Variants in DDX27 observed in about 807,000 individuals in gnomAD.
DDX27 encodes probable ATP-dependent RNA helicase DDX27.
In DDX27, 42 loss-of-function variants were observed where a neutral mutation model predicts 99.3. That is an observed-to-expected ratio of 0.42 (90% CI 0.33 to 0.55). DDX27 has a LOEUF of 0.55. Among genes scored for constraint, DDX27 ranks in the 20% least tolerant of loss-of-function variants. DDX27 has a pLI of 0.07. For synonymous variants in DDX27, 329 were observed against 353.8 expected, an observed-to-expected ratio of 0.93 and a Z score of 0.79; for missense variants, 798 against 976.8, an observed-to-expected ratio of 0.82 and a Z score of 2.44.
In DDX27 at chr20:49,224,970, G is replaced by C. The variant is rs368410954; in HGVS notation, c.492G>C (p.Lys164Asn). The C allele has an allele frequency of 6.2e-7, 1 of 1,613,770 alleles. No individual in the cohort carries two copies. The highest frequency in any genetic ancestry group is 1.3e-5 in the African/African-American group (1 of 75,050). ...ATACACTCAAAGTAAAGGATCGGAA[G>C]AAGAAGAAGAAGAAAGGACAGGTGA... ...KADTLKVKDR[K>N]KKKKKGQEAG... The change falls in exon 5 of 21, where the codon AAG becomes AAC. Residue 164 changes from lysine to asparagine, a missense_variant. By Grantham distance (94) the Lys-to-Asn change is moderately conservative. Coordinates refer to ENST00000618172, the MANE Select transcript of DDX27 (RefSeq NM_017895.8).
intron 4 of DDX27, 111 bp downstream of exon 4, chr20:49,223,544 C>A: frequency 1.4e-5 from 14 of 976,710 alleles, no homozygotes; most frequent in South Asian, 2.0e-5. Flanking sequence ...TTAAGCTGTT[C>A]TGCCTACTAC....
chr20:49,233,242 C>T (rs1042654433), intron 9 of DDX27, 64 bp from the exon 10 acceptor site: 129 of 1,210,588 alleles, frequency 1.1e-4, no homozygotes, highest in Middle Eastern at 3.7e-4. Context: ...TATGCAATCC[C>T]GTGTCCCTCA....
chr20:49,222,676 G>T (rs1458496153), intron 2 of DDX27, among the ~76,000 whole-genome samples: 1 of 151,940 alleles, frequency 6.6e-6, no homozygotes, highest in East Asian at 1.9e-4. Context: ...CACCACACCC[G>T]GCTAATTTTG....
rs1600966387 is a variant in DDX27 at position 49,226,474 on chromosome 20, G to A, written c.645G>A (p.Lys215=). Residue 215 remains lysine, a synonymous_variant, in exon 7 of 21, where the codon AAG becomes AAA. Transcript: ENST00000618172. ...TCAAGCAGCCCACCCCGATCCAGAA[G>A]GCGTGCATACCTGTGGGTCTATTGG... ...MGFKQPTPIQ[K]ACIPVGLLGK... The A allele has an allele frequency of 7.4e-6, 12 of 1,614,086 alleles. No homozygotes were observed. Among genetic ancestry groups the A allele is most frequent in the Non-Finnish European group, 1.0e-5 (12 of 1,180,006 alleles).
At chr20:49,220,907 A>G (rs938890563) in intron 1 of DDX27, among the ~76,000 whole-genome samples, 2 of 151,986 alleles carry the variant, frequency 1.3e-5, no homozygotes, top group African/African-American at 4.8e-5. Context: ...TGTCCTTTCC[A>G]CCTTGACTTT....
At chr20:49,242,286 G>A (rs1600978343) in intron 18 of DDX27, 80 bp downstream of exon 18, 1 of 1,571,866 alleles carries the variant, frequency 6.4e-7, no homozygotes, top group Non-Finnish European at 8.6e-7. Flanking sequence ...GAAAATCTGA[G>A]GGATGATGAC....
chr20:49,228,638 T>C, intron 7 of DDX27, 77 bp from the exon 8 acceptor site: 1 of 1,348,834 alleles, frequency 7.4e-7, no homozygotes, highest in Non-Finnish European at 1.0e-6. Context: ...ACGTAGTTTT[T>C]CTGTGCTCTG....
rs1309484819 is a variant in DDX27, at chr20:49,236,181, G to A, written c.1459G>A (p.Val487Met). 2.5e-5 allele frequency: 41 copies of A among 1,612,230 alleles called. No homozygotes were observed. The highest frequency in any genetic ancestry group is 3.1e-5 in the Non-Finnish European group (37 of 1,179,228). Residue 487 changes from valine to methionine, a missense_variant, in exon 13 of 21, where the codon GTG (valine) becomes ATG (methionine). Val to Met is a conservative substitution (Grantham distance 21). Transcript: ENST00000618172. The surrounding 1 kb of genome is among the most constrained non-coding windows in gnomAD (Gnocchi z 4.1). ...TAAGGATGAACAGATTGACATCCTC[G>A]TGGCCACTGATGTGGCAGCCCGTGG... The part of the protein sequence containing the change: ...RFKDEQIDIL[V>M]ATDVAARGLD...
At chr20:49,220,706 G>A (rs536868029) in intron 1 of DDX27, among the ~76,000 whole-genome samples, 17 of 152,228 alleles carry the variant, frequency 1.1e-4, no homozygotes, top group Non-Finnish European at 2.5e-4. Context: ...GCCAGTCCCC[G>A]AGGAGCCAGG....
intron 2 of DDX27, 61 bp downstream of exon 2, chr20:49,221,659 T>G (rs1979693286): frequency 6.7e-7 from 1 of 1,489,740 alleles, no homozygotes; most frequent in East Asian, 2.3e-5. Flanking sequence ...ACTGTGAGTT[T>G]CAGGGCCTAG....
At position 49,242,182 on chromosome 20, in the gene DDX27, G is replaced by T; in HGVS notation, c.2092G>T (p.Glu698Ter). The change falls in exon 18 of 21, where the codon GAG becomes TAG. Residue 698 changes from glutamate to a stop codon, truncating the protein, a stop_gained. Coordinates refer to ENST00000618172, the MANE Select transcript of DDX27 (RefSeq NM_017895.8). LOFTEE classifies it high-confidence loss of function. ...AGCCAAGCGGGCCCGAGCAATGCCC[G>T]AGGAGGAGCCAGTGAGAGGTCCTGG... Reference protein sequence around the residue: ...RRAKRARAMPEEEPVRGPAKK... With the variant: ...RRAKRARAMP The T allele has an allele frequency of 6.2e-7, 1 of 1,614,162 alleles. No individual in the cohort carries two copies. The highest frequency in any genetic ancestry group is 8.5e-7 in the Non-Finnish European group (1 of 1,179,992).
chr20:49,221,739 A>C (rs1200231548), intron 2 of DDX27, 141 bp downstream of exon 2: 32 of 652,284 alleles, frequency 4.9e-5, no homozygotes, highest in Non-Finnish European at 7.3e-5. Flanking sequence ...ACTGGTTAAA[A>C]AAAAACAAAA....
chr20:49,240,802 A>G (rs1980453454), intron 16 of DDX27, among the ~76,000 whole-genome samples: 1 of 151,896 alleles, frequency 6.6e-6, no homozygotes, highest in Non-Finnish European at 1.5e-5. Flanking sequence ...GAGGTTGTTT[A>G]CAATCATTTG....
At position 49,236,557 on chromosome 20, in the gene DDX27, G is replaced by A; in HGVS notation, c.1687+47G>A. 6.6e-7 allele frequency: 1 copy of A among 1,504,040 alleles called. No homozygotes were observed. Among genetic ancestry groups the A allele is most frequent in the Non-Finnish European group, 8.9e-7 (1 of 1,124,508 alleles). 93.2% of individuals were successfully genotyped at this position (1,504,040 alleles called of 1,614,324 possible). On this transcript the variant is annotated intron_variant, in intron 14 of 20. Transcript: ENST00000618172. This position sits in a 1 kb window ranked among gnomAD's most constrained non-coding sequence, Gnocchi z 4.1. ...AGTGCAGAATGGCTCGGTGGGCGGG[G>A]CAAGGACAGAGTGTAATGGCTGAGA...
In DDX27 at chr20:49,223,279, C is replaced by A. The variant is rs1979757756; in HGVS notation, c.312C>A (p.Ala104=). Residue 104 remains alanine (A), a synonymous_variant, in exon 4 of 21, where the codon GCC becomes GCA. Coordinates refer to ENST00000618172, the MANE Select transcript of DDX27 (RefSeq NM_017895.8). ...RKKRKTEDKE[A]KSGKLEKEKE... is the part of the protein sequence containing the mutation. ...AATTTTTTTCCCAGGATAAAGAAGC[C>A]AAGTCTGGGAAGTTGGAAAAGGAGA... 1 of 1,607,840 alleles carries A rather than the reference C, an allele frequency of 6.2e-7. No individual in the cohort carries two copies. Among genetic ancestry groups the A allele is most frequent in the Admixed American group, 1.7e-5 (1 of 57,926 alleles).
At chr20:49,235,325 G>A (rs886815858) in intron 12 of DDX27, 17 of 410,362 alleles carry the variant, frequency 4.1e-5, no homozygotes, top group Non-Finnish European at 6.8e-5. Context: ...TAGCATGGGA[G>A]CTGTTGTGTG....
At position 49,241,980 on chromosome 20, in the gene DDX27, A is replaced by G. The variant is rs1568978042; in HGVS notation, c.1985A>G (p.Glu662Gly). 6.2e-7 allele frequency: 1 copy of G among 1,613,532 alleles called. No individual in the cohort carries two copies. The highest frequency in any genetic ancestry group is 8.5e-7 in the Non-Finnish European group (1 of 1,179,858). Residue 662 changes from glutamate to glycine, a missense_variant, in exon 17 of 21, where the codon GAG becomes GGG. Around this residue, in one of 2 missense-constraint regions of DDX27, gnomAD observed 553 missense variants for 727.9 expected, o/e 0.76. Transcript: ENST00000618172. ...ATGAAGGATGCCAAAAAAAAGGGGGAGATGACAGTGAGTGGCCTCCCTTTT... is the reference window on the plus strand; with the variant it reads ...ATGAAGGATGCCAAAAAAAAGGGGGGGATGACAGTGAGTGGCCTCCCTTTT... ...KFMKDAKKKGEMTAEERSQFE... is the reference protein window; with the variant it reads ...KFMKDAKKKGGMTAEERSQFE...
At chr20:49,239,146 C>T (rs1233502475) in intron 15 of DDX27, 90 bp from the exon 16 acceptor site, 8 of 1,516,094 alleles carry the variant, frequency 5.3e-6, no homozygotes, top group Non-Finnish European at 6.4e-6. Context: ...AAATGTTTCT[C>T]CCATCAGAGC....
In DDX27 at chr20:49,239,031, A is replaced by G; in HGVS notation, c.1770A>G (p.Lys590=). 1 of 1,614,122 alleles carries G rather than the reference A, an allele frequency of 6.2e-7. No individual in the cohort carries two copies. The highest frequency in any genetic ancestry group is 1.1e-5 in the South Asian group (1 of 91,084). ...YAVLQLEAEE[K]EMQQSEAQIN... ...TTCTGCAGCTAGAGGCGGAGGAAAA[A>G]GAGATGCAGCAGTCAGAAGCCCAGG... Residue 590 remains lysine (K), a synonymous_variant, in exon 15 of 21, where the codon AAA becomes AAG. Coordinates refer to ENST00000618172, the MANE Select transcript of DDX27 (RefSeq NM_017895.8).
Sources: gnomAD v4.1 joint callset for allele counts (sites outside exome capture counted in the v4.1 genomes callset) on GRCh38, gnomAD v4.1.1 for gene constraint, gnomAD v4.1.1 regional missense constraint, Gnocchi (gnomAD v3.1) non-coding constraint, MANE v1.5 for transcripts, NCBI Gene and HGNC (gene_info 2026-07-23, HGNC 2026-07-21) for gene names.